PDE4B: variants seen among roughly 807,000 people sequenced by gnomAD.
PDE4B encodes the protein 3',5'-cyclic-AMP phosphodiesterase 4B.
In PDE4B, 20 loss-of-function variants were observed where a neutral mutation model predicts 82.2. That is an observed-to-expected ratio of 0.24 (90% CI 0.17 to 0.35). The LOEUF (loss-of-function observed/expected upper bound fraction) is 0.35. Ranked by LOEUF, PDE4B falls within the 10% of genes least tolerant of loss-of-function variation. The probability of loss-of-function intolerance (pLI) is 1.00; values close to 1 mark genes in which losing one functional copy is unlikely to be tolerated. For missense variants in PDE4B, 655 were observed against 907.2 expected (o/e 0.72, Z 3.57); for synonymous variants, 320 against 318.9 (o/e 1.00, Z -0.04).
chr1:65,851,235 GCCAT>G (rs1646329075), intron 1 of PDE4B, among the ~76,000 whole-genome samples: 1 of 152,014 alleles, frequency 6.6e-6, no homozygotes, highest in Admixed American at 6.6e-5. Context: ...GGTAAAATTT[GCCAT>G]CCAACAGTTT....
intron 7 of PDE4B, among the ~76,000 whole-genome samples, chr1:66,327,434 A>T (rs1178561565): frequency 6.6e-6 from 1 of 152,186 alleles, no homozygotes; most frequent in East Asian, 1.9e-4. Context: ...ACTGCTAAAA[A>T]TGTGAGATTT....
chr1:66,329,151 G>A (rs959283685), intron 7 of PDE4B, among the ~76,000 whole-genome samples: 2 of 152,136 alleles, frequency 1.3e-5, no homozygotes, highest in African/African-American at 2.4e-5. Flanking sequence ...GGGCCTTCAG[G>A]TTGCTGTGAG....
At chr1:65,888,737 C>A (rs1646819903) in intron 1 of PDE4B, among the ~76,000 whole-genome samples, 1 of 151,852 alleles carries the variant, frequency 6.6e-6, no homozygotes, top group African/African-American at 2.4e-5. Flanking sequence ...TTCTTGATTT[C>A]TTTCTCAACT....
chr1:66,253,951 T>G (rs749424619), intron 4 of PDE4B, among the ~76,000 whole-genome samples: 3 of 152,244 alleles, frequency 2.0e-5, no homozygotes, highest in Non-Finnish European at 4.4e-5. Context: ...TATGCCCTAT[T>G]AATGTTTCTT....
At chr1:66,117,165 A>T (rs907998052) in intron 3 of PDE4B, among the ~76,000 whole-genome samples, 4 of 152,222 alleles carry the variant, frequency 2.6e-5, no homozygotes, top group Non-Finnish European at 4.4e-5. Context: ...ACTGCAGCAT[A>T]GGTAAGTAGG....
chr1:65,870,424 C>T (rs1357428765), intron 1 of PDE4B, among the ~76,000 whole-genome samples: 1 of 152,108 alleles, frequency 6.6e-6, no homozygotes, highest in Non-Finnish European at 1.5e-5. Flanking sequence ...AACACACTAA[C>T]TAAACCAAAA....
chr1:66,241,733 C>T (rs1422541246), intron 3 of PDE4B, among the ~76,000 whole-genome samples: 1 of 152,080 alleles, frequency 6.6e-6, no homozygotes, highest in Non-Finnish European at 1.5e-5. Context: ...ACAACACACA[C>T]ACTCTATACA....
At position 66,142,596 on chromosome 1, in the gene PDE4B, A is replaced by G. The variant is rs1646194477; in HGVS notation, c.282-104864A>G. ...CTGCTTTAAAAATAACCCTACTGTT[A>G]GGAGGAAACAACTTCTGGACTAGTT... On this transcript the variant is annotated intron_variant, in intron 3 of 16. Transcript: ENST00000341517. 2.0e-5 allele frequency among the ~76,000 whole-genome samples: 3 copies of G among 152,206 alleles called. No homozygotes were observed. The South Asian group carries it at 6.2e-4, about 32-fold the overall frequency.
At chr1:66,147,436 C>T (rs1042968038) in intron 3 of PDE4B, among the ~76,000 whole-genome samples, 16 of 152,174 alleles carry the variant, frequency 1.1e-4, no homozygotes, top group African/African-American at 3.6e-4. Flanking sequence ...AACCATGTCC[C>T]GTGATTCATC....
chr1:66,304,987 G>A (rs1376877692), intron 7 of PDE4B, among the ~76,000 whole-genome samples: 3 of 152,042 alleles, frequency 2.0e-5, no homozygotes, highest in Non-Finnish European at 4.4e-5. Context: ...ATAGGTACTG[G>A]TGTACAGCAG....
At chr1:65,827,275 A>G (rs1646030147) in intron 1 of PDE4B, among the ~76,000 whole-genome samples, 1 of 152,056 alleles carries the variant, frequency 6.6e-6, no homozygotes, top group African/African-American at 2.4e-5. Flanking sequence ...AAAAATGCAA[A>G]AAAAAGTCAT....
intron 3 of PDE4B, chr1:65,992,618 T>C (rs1651307919): frequency 4.0e-6 from 2 of 496,844 alleles, no homozygotes; most frequent in Admixed American, 5.0e-5. Flanking sequence ...TGAGTGTCAG[T>C]GTGTAGCTTG....
At chr1:66,032,409 A>G (rs1017313652) in intron 3 of PDE4B, among the ~76,000 whole-genome samples, 1 of 152,176 alleles carries the variant, frequency 6.6e-6, no homozygotes, top group Non-Finnish European at 1.5e-5. Flanking sequence ...GATTTGTATA[A>G]AGACACATAT....
intron 1 of PDE4B, among the ~76,000 whole-genome samples, chr1:65,893,500 T>A (rs537753841): frequency 9.2e-5 from 14 of 152,084 alleles, no homozygotes; most frequent in African/African-American, 3.4e-4. Flanking sequence ...AAGAAAGAGA[T>A]GTTGGCATGG....
chr1:66,081,289 T>C (rs550642093), intron 3 of PDE4B, among the ~76,000 whole-genome samples: 1 of 152,252 alleles, frequency 6.6e-6, no homozygotes, highest in East Asian at 1.9e-4. Context: ...ACGTTCTCCA[T>C]TTCATTCAAA....
intron 7 of PDE4B, among the ~76,000 whole-genome samples, chr1:66,307,777 G>GT (rs972641534): frequency 8.6e-5 from 13 of 151,994 alleles, no homozygotes; most frequent in African/African-American, 1.4e-4. Flanking sequence ...GTGAGTACCG[G>GT]TTTTTTTGTT....
At chr1:66,316,895 C>T (rs1414409049) in intron 7 of PDE4B, among the ~76,000 whole-genome samples, 6 of 152,074 alleles carry the variant, frequency 3.9e-5, no homozygotes, top group African/African-American at 1.4e-4. Flanking sequence ...AGTTAAGTGA[C>T]GTAGTTTACA....
chr1:66,096,534 A>ATATATATG (rs1645124050), intron 3 of PDE4B, among the ~76,000 whole-genome samples: 2 of 143,636 alleles, frequency 1.4e-5, no homozygotes, highest in East Asian at 4.0e-4. Flanking sequence ...ATATATATAT[A>ATATATATG]TATATATACT....
At chr1:66,272,654 T>G (rs1212775752) in intron 7 of PDE4B, among the ~76,000 whole-genome samples, 2 of 152,142 alleles carry the variant, frequency 1.3e-5, no homozygotes, top group East Asian at 3.9e-4. Flanking sequence ...TCTCCCCCAC[T>G]TCCTCTGCCT....
Sources: allele counts gnomAD v4.1 joint callset (sites outside exome capture counted in the v4.1 genomes callset), GRCh38; gene constraint gnomAD v4.1.1; transcripts MANE v1.5; gene names NCBI Gene and HGNC (gene_info 2026-07-23, HGNC 2026-07-21).